Variants in TENM3 observed in about 807,000 individuals in gnomAD.
TENM3 encodes teneurin-3.
Under a neutral mutation model 255.1 loss-of-function variants are expected in TENM3, and 63 were observed. That is an observed-to-expected ratio of 0.25 (90% CI 0.20 to 0.30). The LOEUF (loss-of-function observed/expected upper bound fraction) is 0.30. TENM3 is among the 10% of genes least tolerant of loss of function. The pLI, the probability that TENM3 is intolerant of heterozygous loss-of-function variation, is 1.00. For missense variants in TENM3, 2,929 were observed against 3,461.1 expected (o/e 0.85, Z 3.86); for synonymous variants, 1,306 against 1,322.3 (o/e 0.99, Z 0.27).
At chr4:181,611,580 G>A in the TENM3 span, among the ~76,000 whole-genome samples, 1 of 144,870 alleles carries the variant, frequency 6.9e-6, no homozygotes, top group African/African-American at 2.5e-5. Context: ...TACGGAGTCT[G>A]TTTGGTAACT....
intron 3 of TENM3, among the ~76,000 whole-genome samples, chr4:182,594,471 GCTCTGATCACACCACTGCA>G (rs1331668375): frequency 6.6e-6 from 1 of 152,120 alleles, no homozygotes; most frequent in Non-Finnish European, 1.5e-5. Context: ...GCTGTGGTGA[GCTCTGATCACACCACTGCA>G]CTTCAGCCTG....
Position 182,738,454 on chromosome 4 carries a change from A to G in TENM3, c.3289A>G (p.Arg1097Gly). Reference sequence around the variant, plus strand: ...TTTGGACCTGACTCTGTGGGAAAAGAGGACTGCCATTCTGCAGGGCTATGA... The same window carrying G: ...TTTGGACCTGACTCTGTGGGAAAAGGGGACTGCCATTCTGCAGGGCTATGA... ...SCLDLTLWEKRTAILQGYELD... is the reference protein window; with the variant it reads ...SCLDLTLWEKGTAILQGYELD... Residue 1097 changes from arginine to glycine, a missense_variant, in exon 18 of 28, where the codon AGG (arginine) becomes GGG (glycine). Transcript: ENST00000511685. The G allele has an allele frequency of 6.2e-7, 1 of 1,613,464 alleles. No homozygotes were observed. The highest frequency in any genetic ancestry group is 8.5e-7 in the Non-Finnish European group (1 of 1,179,624).
chr4:181,875,587 C>A, the TENM3 span, among the ~76,000 whole-genome samples: 1 of 152,098 alleles, frequency 6.6e-6, no homozygotes, highest in African/African-American at 2.4e-5. Flanking sequence ...AAACATGTCC[C>A]ATTTACTCAC....
At position 182,394,724 on chromosome 4, in the gene TENM3, A is replaced by G. The variant is rs1340334864; in HGVS notation, c.511+47795A>G. Among the ~76,000 whole-genome samples the G allele has an allele frequency of 2.6e-5, 4 of 152,210 alleles. No homozygotes were observed. In the South Asian group the frequency reaches 6.2e-4, roughly 24 times the overall value. ...TTTTTAATTATGAGTTCTTGATTTT[A>G]GCCTTCAGATAAACTAAATTGAACC... On this transcript the variant is annotated intron_variant, in intron 3 of 27. Transcript: ENST00000511685.
chr4:181,772,084 T>G, the TENM3 span, among the ~76,000 whole-genome samples: 1 of 152,138 alleles, frequency 6.6e-6, no homozygotes, highest in Admixed American at 6.6e-5. Flanking sequence ...ATGACTGTAC[T>G]AAATAATAAT....
chr4:182,164,813 G>T (rs530959808), intron 1 of TENM3, among the ~76,000 whole-genome samples: 1 of 152,284 alleles, frequency 6.6e-6, no homozygotes, highest in African/African-American at 2.4e-5. Flanking sequence ...ACCTACTTCA[G>T]ACCGCTAGTT....
the TENM3 span, among the ~76,000 whole-genome samples, chr4:182,057,371 T>C: frequency 6.6e-6 from 1 of 151,186 alleles, no homozygotes; most frequent in African/African-American, 2.4e-5. Flanking sequence ...TAGACCCAAA[T>C]CTTTCTTTAT....
At chr4:181,471,542 A>G in the TENM3 span, among the ~76,000 whole-genome samples, 1 of 152,202 alleles carries the variant, frequency 6.6e-6, no homozygotes, top group East Asian at 1.9e-4. Flanking sequence ...GAAAGAAACC[A>G]ATACAATTTT....
At chr4:182,327,217 C>T (rs1465969168) in intron 2 of TENM3, among the ~76,000 whole-genome samples, 5 of 152,178 alleles carry the variant, frequency 3.3e-5, no homozygotes, top group Non-Finnish European at 5.9e-5. Flanking sequence ...CCTGCCACAG[C>T]TCCTGACATC....
the TENM3 span, among the ~76,000 whole-genome samples, chr4:181,730,237 G>A: frequency 6.6e-6 from 1 of 152,132 alleles, no homozygotes; most frequent in South Asian, 2.1e-4. Flanking sequence ...AAAATGAGAT[G>A]GCACTTGGCT....
intron 3 of TENM3, among the ~76,000 whole-genome samples, chr4:182,486,025 T>A (rs762743673): frequency 6.6e-6 from 1 of 152,026 alleles, no homozygotes; most frequent in Non-Finnish European, 1.5e-5. Context: ...ACATATGTGG[T>A]GTCGGTTTTG....
At chr4:182,073,531 C>T in the TENM3 span, among the ~76,000 whole-genome samples, 2 of 152,122 alleles carry the variant, frequency 1.3e-5, no homozygotes, top group South Asian at 4.1e-4. Flanking sequence ...CTGTTGTTTA[C>T]GCCATCCAGT....
At chr4:182,322,875 T>C (rs746524765) in intron 1 of TENM3, among the ~76,000 whole-genome samples, 4 of 152,162 alleles carry the variant, frequency 2.6e-5, no homozygotes, top group South Asian at 4.1e-4. Flanking sequence ...TGAGGCCAGT[T>C]GGGAACCATT....
At chr4:181,888,494 G>GTACATATATATATATA in the TENM3 span, among the ~76,000 whole-genome samples, 3 of 28,240 alleles carry the variant, frequency 1.1e-4, no homozygotes, top group Non-Finnish European at 1.8e-4. Flanking sequence ...ATAGAAATGT[G>GTACATATATATATATA]TATATATATA....
At chr4:182,488,020 G>A (rs1734923680) in intron 3 of TENM3, among the ~76,000 whole-genome samples, 1 of 152,168 alleles carries the variant, frequency 6.6e-6, no homozygotes, top group Non-Finnish European at 1.5e-5. Flanking sequence ...CATTTATACA[G>A]ATGATGAGGA....
the TENM3 span, among the ~76,000 whole-genome samples, chr4:181,883,674 T>C: frequency 1.8e-4 from 28 of 152,042 alleles, 1 homozygote; most frequent in Middle Eastern, 3.2e-3. Context: ...CGGGGTTTCA[T>C]CGTTGTGTTA....
the TENM3 span, among the ~76,000 whole-genome samples, chr4:182,059,085 A>G: frequency 6.6e-6 from 1 of 152,022 alleles, no homozygotes; most frequent in Non-Finnish European, 1.5e-5. Context: ...ATGTGAAGAC[A>G]GCAGCAGGTC....
intron 6 of TENM3, among the ~76,000 whole-genome samples, chr4:182,666,739 A>T (rs1754715553): frequency 6.6e-6 from 1 of 151,930 alleles, no homozygotes; most frequent in African/African-American, 2.4e-5. Flanking sequence ...TCTACAAAAA[A>T]TACCAAAAAA....
At chr4:182,025,624 A>G in the TENM3 span, among the ~76,000 whole-genome samples, 15 of 152,200 alleles carry the variant, frequency 9.9e-5, no homozygotes, top group Admixed American at 7.9e-4. Context: ...AATTGTACTA[A>G]TTTACATTCC....
Sources: allele counts gnomAD v4.1 joint callset (sites outside exome capture counted in the v4.1 genomes callset), GRCh38; gene constraint gnomAD v4.1.1; transcripts MANE v1.5; gene names NCBI Gene and HGNC (gene_info 2026-07-23, HGNC 2026-07-21).